Variants in ETNK2 observed in about 807,000 individuals in gnomAD.
ETNK2 encodes ethanolamine kinase 2.
A neutral mutation model predicts 46.2 loss-of-function variants in ETNK2; 33 were observed. The observed-to-expected ratio is 0.71, with a 90% confidence interval of 0.54 to 0.96. ETNK2 has a LOEUF of 0.96. Ranked by LOEUF, ETNK2 falls within the 40% of genes least tolerant of loss-of-function variation. The pLI, the probability that ETNK2 is intolerant of heterozygous loss-of-function variation, is 0.00. For synonymous variants in ETNK2, 194 were observed against 209.0 expected, an observed-to-expected ratio of 0.93 and a Z score of 0.62; for missense variants, 445 against 509.7, an observed-to-expected ratio of 0.87 and a Z score of 1.22.
intron 3 of ETNK2, among the ~76,000 whole-genome samples, chr1:204,143,213 C>G (rs1558235578): frequency 6.6e-6 from 1 of 151,900 alleles, no homozygotes; most frequent in African/African-American, 2.4e-5. Context: ...AAGAAGCTAC[C>G]TTTTAAGATT....
intron 7 of ETNK2, among the ~76,000 whole-genome samples, chr1:204,134,142 C>T (rs1268030133): frequency 6.6e-6 from 1 of 152,210 alleles, no homozygotes; most frequent in Non-Finnish European, 1.5e-5. Flanking sequence ...GGACCTCTGT[C>T]CTCTCTGCTG....
intron 7 of ETNK2, among the ~76,000 whole-genome samples, chr1:204,132,921 T>C (rs990489097): frequency 6.6e-6 from 1 of 152,142 alleles, no homozygotes; most frequent in Non-Finnish European, 1.5e-5. Context: ...TATTAAGCAA[T>C]ACTCCCCATT....
At chr1:204,143,553 A>ACC (rs1470959541) in intron 3 of ETNK2, among the ~76,000 whole-genome samples, 1 of 151,858 alleles carries the variant, frequency 6.6e-6, no homozygotes. Context: ...AAGAGTAACC[A>ACC]CCACCGCATC....
At position 204,151,240 on chromosome 1, in the gene ETNK2, C is replaced by T. The variant is rs1193873441; in HGVS notation, c.258+355G>A. 2.2e-5 allele frequency: 9 copies of T among 407,098 alleles called. No homozygotes were observed. Among genetic ancestry groups the T allele is most frequent in the Non-Finnish European group, 3.1e-5 (7 of 226,758 alleles). 25.2% of individuals were successfully genotyped at this position (407,098 alleles called of 1,614,324 possible). A position where few individuals can be genotyped will look rare whatever the true frequency, so the allele number is the denominator to read the frequency against. ...GGGCGGGGGGTCTCTTAAAAGTTCC[C>T]GCCTCCTCAGGTTTCAGAGCTGGCT... On this transcript the variant is annotated intron_variant, in intron 1 of 7. Transcript: ENST00000367202. This position sits in a 1 kb window ranked among gnomAD's most constrained non-coding sequence, Gnocchi z 8.0.
chr1:204,145,215 G>T (rs1657734207), intron 3 of ETNK2, among the ~76,000 whole-genome samples: 1 of 152,202 alleles, frequency 6.6e-6, no homozygotes, highest in Non-Finnish European at 1.5e-5. Context: ...AGGTTCAAAG[G>T]TGTGACAAGA....
chr1:204,150,068 G>C, intron 1 of ETNK2, 106 bp from the exon 2 acceptor site: 2 of 1,264,328 alleles, frequency 1.6e-6, no homozygotes, highest in Admixed American at 2.1e-5. Flanking sequence ...TTTGAATGCC[G>C]AGCACAACCA....
At chr1:204,138,905 C>A (rs1657390105) in intron 5 of ETNK2, 1 of 152,180 alleles carries the variant, frequency 6.6e-6, no homozygotes, top group South Asian at 2.1e-4. Context: ...CACCTGCCTA[C>A]CCCTAGGAAT....
In ETNK2 at chr1:204,151,771, C is replaced by T. The variant is rs540551989; in HGVS notation, c.82G>A (p.Gly28Ser). 32 of 1,514,212 alleles carry T rather than the reference C, an allele frequency of 2.1e-5. 1 individual carries two copies. The South Asian group carries it at 4.0e-4, about 19-fold the overall frequency. The allele number at this position is 1,514,212 out of a possible 1,614,324, so 93.8% of individuals were successfully genotyped here. A position where few individuals can be genotyped will look rare whatever the true frequency, so the allele number is the denominator to read the frequency against. Residue 28 changes from glycine to serine, a missense_variant, in exon 1 of 8, where the codon GGC (glycine) becomes AGC (serine). Coordinates refer to ENST00000367202, the MANE Select transcript of ETNK2 (RefSeq NM_018208.4). The surrounding 1 kb of genome is among the most constrained non-coding windows in gnomAD (Gnocchi z 8.0). ...RHTPCPQCSW[G>S]MEEKAAASAS... is the part of the protein sequence containing the mutation. The stretch of plus-strand genomic sequence containing the variant: ...CTGGCCGCCGCCTTCTCCTCCATGC[C>T]CCATGAGCACTGCGGGCAAGGCGTG...
At chr1:204,146,598 G>A (rs1378384612) in intron 3 of ETNK2, 44 bp downstream of exon 3, 1 of 1,610,974 alleles carries the variant, frequency 6.2e-7, no homozygotes. Flanking sequence ...ATGGGGAAGG[G>A]AGATCATATT....
intron 6 of ETNK2, 123 bp downstream of exon 6, chr1:204,136,974 TCAGGAGC>T: frequency 7.9e-7 from 1 of 1,261,978 alleles, no homozygotes; most frequent in South Asian, 1.4e-5. Context: ...TAGGGTGGGG[TCAGGAGC>T]CAGGGATGGG....
chr1:204,135,525 A>G (rs2102281439), intron 6 of ETNK2, among the ~76,000 whole-genome samples: 1 of 152,258 alleles, frequency 6.6e-6, no homozygotes, highest in East Asian at 1.9e-4. Context: ...TGAGTCCCCC[A>G]ACCCTTGTGG....
intron 1 of ETNK2, among the ~76,000 whole-genome samples, chr1:204,150,829 C>T (rs1238169273): frequency 6.6e-6 from 1 of 152,188 alleles, no homozygotes; most frequent in Non-Finnish European, 1.5e-5. Flanking sequence ...CTCCCCACAA[C>T]TTTGCCCCCA....
intron 2 of ETNK2, chr1:204,147,318 G>C: frequency 4.7e-6 from 2 of 429,342 alleles, no homozygotes; most frequent in Non-Finnish European, 9.5e-6. Flanking sequence ...GGGAGTTGAT[G>C]CTGGCGGCTG....
intron 4 of ETNK2, among the ~76,000 whole-genome samples, 178 bp from the exon 5 acceptor site, chr1:204,140,296 A>G (rs11240679): frequency 2.2e-4 from 23 of 104,024 alleles, no homozygotes; most frequent in East Asian, 7.6e-4. Context: ...CCATCCATCC[A>G]TCCATCCATC....
intron 3 of ETNK2, 96 bp from the exon 4 acceptor site, chr1:204,141,553 G>A (rs1394260478): frequency 7.3e-7 from 1 of 1,369,888 alleles, no homozygotes; most frequent in East Asian, 2.5e-5. Context: ...CACTCCCTCT[G>A]TCTTACTGCA....
intron 3 of ETNK2, 56 bp downstream of exon 3, chr1:204,146,586 G>T: frequency 1.2e-6 from 2 of 1,605,934 alleles, no homozygotes; most frequent in South Asian, 2.2e-5. Context: ...GGAGCCAAAA[G>T]GATGGGGAAG....
In ETNK2 at chr1:204,131,891, ATG is replaced by A; in HGVS notation, c.*291_*292del. On this transcript the variant is annotated 3_prime_UTR_variant, in exon 8 of 8. Transcript: ENST00000367202. This position sits in a 1 kb window ranked among gnomAD's most constrained non-coding sequence, Gnocchi z 4.3. ...CCAGCAGGGCCTGAGGCTGGGAATG[ATG>A]TGTTTCCCAGGGGTGGTTATGGTTC... is the stretch of plus-strand genomic sequence containing the variant. The A allele has an allele frequency of 2.3e-6, 1 of 429,254 alleles. No homozygotes were observed. 26.6% of individuals were successfully genotyped at this position (429,254 alleles called of 1,614,324 possible).
At chr1:204,148,654 T>TA (rs1657887777) in intron 2 of ETNK2, among the ~76,000 whole-genome samples, 1 of 151,990 alleles carries the variant, frequency 6.6e-6, no homozygotes, top group African/African-American at 2.4e-5. Flanking sequence ...ACCAGCCGCT[T>TA]ATGAGCATGG....
rs1000394921 is a variant in ETNK2, at chr1:204,149,910, T to C, written c.311A>G (p.Asp104Gly). The change falls in exon 2 of 8, where the codon GAC (aspartate) becomes GGC (glycine). Residue 104 changes from aspartate to glycine, a missense_variant. Coordinates refer to ENST00000367202, the MANE Select transcript of ETNK2 (RefSeq NM_018208.4). ...NKLVACYVEEDMQDCVLVRVY... is the reference protein window; with the variant it reads ...NKLVACYVEEGMQDCVLVRVY... ...CCGGACCAGCACGCAGTCCTGCATG[T>C]CCTCCTCCACATAGCAGGCCACCAG... 39 of 1,440,908 alleles carry C rather than the reference T, an allele frequency of 2.7e-5. No homozygotes were observed. The highest frequency in any genetic ancestry group is 3.4e-5 in the Non-Finnish European group (37 of 1,082,682). The allele number at this position is 1,440,908 out of a possible 1,614,324, so 89.3% of individuals were successfully genotyped here. A position where few individuals can be genotyped will look rare whatever the true frequency, so the allele number is the denominator to read the frequency against.
Sources: gnomAD v4.1 joint callset for allele counts (sites outside exome capture counted in the v4.1 genomes callset) on GRCh38, gnomAD v4.1.1 for gene constraint, Gnocchi (gnomAD v3.1) non-coding constraint, MANE v1.5 for transcripts, NCBI Gene and HGNC (gene_info 2026-07-23, HGNC 2026-07-21) for gene names.